TLE4: variants seen among roughly 807,000 people sequenced by gnomAD.
The protein encoded by TLE4 is transducin-like enhancer protein 4.
A neutral mutation model predicts 92.8 loss-of-function variants in TLE4; 8 were observed. That is an observed-to-expected ratio of 0.09 (90% CI 0.05 to 0.16). The LOEUF is 0.16. TLE4 is among the 10% of genes least tolerant of loss of function. TLE4 has a pLI of 1.00. For synonymous variants in TLE4, 371 were observed against 374.1 expected (o/e 0.99, Z 0.10); for missense variants, 675 against 997.6 (o/e 0.68, Z 4.36).
chr9:79,665,356 CAATCCCTTCCTTCA>C (rs1433782674), intron 8 of TLE4, among the ~76,000 whole-genome samples: 2 of 152,178 alleles, frequency 1.3e-5, no homozygotes, highest in Non-Finnish European at 2.9e-5. Context: ...AGATTAGATA[CAATCCCTTCCTTCA>C]AATCATGTTC....
At chr9:79,719,290 A>G (rs12341747) in intron 15 of TLE4, among the ~76,000 whole-genome samples, 15,947 of 151,886 alleles carry the variant, frequency 0.1, 931 homozygotes, top group African/African-American at 0.14. Context: ...GTGCACCTAA[A>G]TATCATCTGT....
intron 8 of TLE4, among the ~76,000 whole-genome samples, chr9:79,684,565 C>T (rs1176950699): frequency 1.3e-5 from 2 of 152,186 alleles, no homozygotes; most frequent in Non-Finnish European, 2.9e-5. Flanking sequence ...TGAAGTGGAA[C>T]AGTTTCATCC....
intron 8 of TLE4, chr9:79,704,533 C>A (rs1019603773): frequency 1.0e-5 from 5 of 495,136 alleles, no homozygotes; most frequent in African/African-American, 2.0e-5. Flanking sequence ...CCCTCTGTCC[C>A]ATCTCTCTGC....
Position 79,718,872 on chromosome 9 carries a change from C to T in TLE4, c.1491C>T (p.Asn497=). 6.2e-7 allele frequency: 1 copy of T among 1,614,160 alleles called. No homozygotes were observed. Among genetic ancestry groups the T allele is most frequent in the East Asian group, 2.2e-5 (1 of 44,866 alleles). ...GEVVCAVTIS[N]PTRHVYTGGK... ...TGGTGTGCGCGGTGACCATCAGCAACCCCACGAGACACGTGTACACGGGTG... is the reference window on the plus strand; with the variant it reads ...TGGTGTGCGCGGTGACCATCAGCAATCCCACGAGACACGTGTACACGGGTG... The change falls in exon 15 of 20, where the codon AAC becomes AAT. Residue 497 remains asparagine, a synonymous_variant. Coordinates refer to ENST00000376552, the MANE Select transcript of TLE4 (RefSeq NM_007005.6).
In TLE4 at chr9:79,725,289, C is replaced by T. The variant is rs2076283724; in HGVS notation, c.*145C>T. 5.2e-6 allele frequency: 3 copies of T among 575,424 alleles called. No homozygotes were observed. Among genetic ancestry groups the T allele is most frequent in the Non-Finnish European group, 9.3e-6 (3 of 322,616 alleles). 35.6% of individuals were successfully genotyped at this position (575,424 alleles called of 1,614,324 possible). On this transcript the variant is annotated 3_prime_UTR_variant, in exon 20 of 20. Coordinates refer to ENST00000376552, the MANE Select transcript of TLE4 (RefSeq NM_007005.6). Reference sequence around the variant, plus strand: ...GGAGTTTAATCCCCTTTCTTAACCTCACTTCCCACTTGCTATTGAATTGTG... The same window carrying T: ...GGAGTTTAATCCCCTTTCTTAACCTTACTTCCCACTTGCTATTGAATTGTG...
intron 8 of TLE4, among the ~76,000 whole-genome samples, chr9:79,695,424 G>A (rs928064518): frequency 3.3e-5 from 5 of 151,942 alleles, no homozygotes; most frequent in African/African-American, 7.3e-5. Context: ...AGGATGCAAA[G>A]AAATAAGACA....
intron 8 of TLE4, among the ~76,000 whole-genome samples, chr9:79,656,972 C>T (rs1413274927): frequency 1.3e-5 from 2 of 152,074 alleles, no homozygotes; most frequent in African/African-American, 4.8e-5. Flanking sequence ...TTCTATAGCT[C>T]CTGTAGCCAA....
intron 8 of TLE4, among the ~76,000 whole-genome samples, chr9:79,666,919 A>G (rs1333120591): frequency 6.6e-6 from 1 of 152,238 alleles, no homozygotes; most frequent in Non-Finnish European, 1.5e-5. Context: ...TGAAGTATTT[A>G]AAAGTTATAA....
At chr9:79,573,655 T>G in intron 1 of TLE4, 34 bp from the exon 2 acceptor site, 1 of 1,537,360 alleles carries the variant, frequency 6.5e-7, no homozygotes, top group Non-Finnish European at 8.9e-7. Context: ...GCCTGTGATG[T>G]GGGCTAATTA....
chr9:79,664,133 C>A (rs925286823), intron 8 of TLE4, among the ~76,000 whole-genome samples: 5 of 152,188 alleles, frequency 3.3e-5, no homozygotes, highest in Admixed American at 3.3e-4. Flanking sequence ...CTGGAGCAGT[C>A]CCCAGGGCCT....
In TLE4 at chr9:79,588,180, G is replaced by A. The variant is rs538008873; in HGVS notation, c.252+12003G>A. On this transcript the variant is annotated intron_variant, in intron 4 of 19. Coordinates refer to ENST00000376552, the MANE Select transcript of TLE4 (RefSeq NM_007005.6). ...TGTGTGTGTTTTGAGATAGAGTCTC[G>A]CCCTGTTGCCAGGCTGGAGTGCGGT... 2.8e-5 allele frequency among the ~76,000 whole-genome samples: 4 copies of A among 144,020 alleles called. No homozygotes were observed. The East Asian group carries it at 5.9e-4, about 21-fold the overall frequency. 94.5% of individuals were successfully genotyped at this position (144,020 alleles called of 152,430 possible).
At chr9:79,660,184 A>G (rs985098671) in intron 8 of TLE4, among the ~76,000 whole-genome samples, 11 of 152,148 alleles carry the variant, frequency 7.2e-5, no homozygotes, top group African/African-American at 2.2e-4. Context: ...AATCCTCTCT[A>G]CCACTGGGTA....
chr9:79,691,455 C>G (rs1459908533), intron 8 of TLE4, among the ~76,000 whole-genome samples: 1 of 152,158 alleles, frequency 6.6e-6, no homozygotes, highest in Admixed American at 6.5e-5. Flanking sequence ...TTCGAGCCTC[C>G]TCTCTGAATG....
rs1246886116 is a variant in TLE4, at chr9:79,572,306, G to A, written c.-485G>A. 6.6e-6 allele frequency: 1 copy of A among 152,160 alleles called. No individual in the cohort carries two copies. Among genetic ancestry groups the A allele is most frequent in the Non-Finnish European group, 1.5e-5 (1 of 68,034 alleles). 9.4% of individuals were successfully genotyped at this position (152,160 alleles called of 1,614,324 possible). ...CCGAGACCTCTTCCGAACCAAAGGA[G>A]TTTGTGTTTGCTTTTAGGGAAGAAG... On this transcript the variant is annotated 5_prime_UTR_variant, in exon 1 of 20. Coordinates refer to ENST00000376552, the MANE Select transcript of TLE4 (RefSeq NM_007005.6).
chr9:79,584,439 C>G (rs561572045), intron 4 of TLE4, among the ~76,000 whole-genome samples: 10 of 152,306 alleles, frequency 6.6e-5, no homozygotes, highest in Non-Finnish European at 1.3e-4. Context: ...GGCTATCTGG[C>G]ATTCCTGAAC....
At chr9:79,613,640 C>G (rs966737833) in intron 5 of TLE4, among the ~76,000 whole-genome samples, 2 of 152,164 alleles carry the variant, frequency 1.3e-5, no homozygotes, top group African/African-American at 4.8e-5. Flanking sequence ...CACAGAGGCA[C>G]TTTTCTTCCT....
rs1489026254 is a variant in TLE4 at position 79,608,059 on chromosome 9, T to A, written c.253-4597T>A. Among the ~76,000 whole-genome samples, 7 of 152,244 alleles carry A rather than the reference T, an allele frequency of 4.6e-5. No individual in the cohort carries two copies. The East Asian group carries it at 1.4e-3, about 29-fold the overall frequency. ...CTTTACCTAATTGAACACCCTTTAT[T>A]TCTTTCTCTTGCCTGTTTGCCCTGG... On this transcript the variant is annotated intron_variant, in intron 4 of 19. Coordinates refer to ENST00000376552, the MANE Select transcript of TLE4 (RefSeq NM_007005.6).
rs557447523 is a variant in TLE4, at chr9:79,685,988, T to C, written c.610-18795T>C. Among the ~76,000 whole-genome samples, 14 of 152,092 alleles carry C rather than the reference T, an allele frequency of 9.2e-5. No individual in the cohort carries two copies. The East Asian group carries it at 2.7e-3, about 29-fold the overall frequency. ...GAAAGTATTTGGAAAAAAAATACAATAAAAAGTTCAAATAAAAATACAGCA... is the reference window on the plus strand; with the variant it reads ...GAAAGTATTTGGAAAAAAAATACAACAAAAAGTTCAAATAAAAATACAGCA... On this transcript the variant is annotated intron_variant, in intron 8 of 19. Coordinates refer to ENST00000376552, the MANE Select transcript of TLE4 (RefSeq NM_007005.6).
chr9:79,642,305 C>G (rs867573462), intron 6 of TLE4, among the ~76,000 whole-genome samples: 9 of 151,922 alleles, frequency 5.9e-5, no homozygotes, highest in Non-Finnish European at 8.8e-5. Flanking sequence ...AATATAGTGG[C>G]TATTCATAGG....
Sources: gnomAD v4.1 joint callset for allele counts (sites outside exome capture counted in the v4.1 genomes callset) on GRCh38, gnomAD v4.1.1 for gene constraint, MANE v1.5 for transcripts, NCBI Gene and HGNC (gene_info 2026-07-23, HGNC 2026-07-21) for gene names.